WWOX: variants seen among roughly 807,000 people sequenced by gnomAD.
WWOX encodes WW domain containing oxidoreductase, also known as WW domain-containing oxidoreductase.
In WWOX, 69 loss-of-function variants were observed where a neutral mutation model predicts 46.2. The ratio of observed to expected loss-of-function variants is 1.49; its 90% CI spans 1.23 to 1.82. WWOX has a LOEUF of 1.82. WWOX is among the 40% of genes most tolerant of loss of function. WWOX has a pLI of 0.00. For synonymous variants in WWOX, 359 were observed against 202.6 expected, an observed-to-expected ratio of 1.77 and a Z score of -6.56; for missense variants, 919 against 542.6, an observed-to-expected ratio of 1.69 and a Z score of -6.89.
chr16:78,405,711 A>C (rs1368549982), intron 6 of WWOX, among the ~76,000 whole-genome samples: 1 of 152,160 alleles, frequency 6.6e-6, no homozygotes, highest in East Asian at 1.9e-4. Context: ...TCTTTTAGGC[A>C]CCATCTCTGT....
At chr16:78,625,237 G>A (rs1352794054) in intron 8 of WWOX, among the ~76,000 whole-genome samples, 2 of 152,086 alleles carry the variant, frequency 1.3e-5, no homozygotes, top group Non-Finnish European at 2.9e-5. Flanking sequence ...CACCGGGGTC[G>A]CTGCCCCAGC....
intron 4 of WWOX, among the ~76,000 whole-genome samples, chr16:78,163,626 C>G (rs913661743): frequency 1.3e-5 from 2 of 152,190 alleles, no homozygotes; most frequent in African/African-American, 2.4e-5. Context: ...TGCCTTCAAA[C>G]AGATATGGGT....
intron 8 of WWOX, among the ~76,000 whole-genome samples, chr16:79,096,403 C>G (rs2049074632): frequency 6.6e-6 from 1 of 152,114 alleles, no homozygotes; most frequent in African/African-American, 2.4e-5. Context: ...TGCCAGTGCT[C>G]TTCCCCCTGC....
At chr16:79,159,880 T>C (rs958483837) in intron 8 of WWOX, among the ~76,000 whole-genome samples, 5 of 152,176 alleles carry the variant, frequency 3.3e-5, no homozygotes, top group Non-Finnish European at 7.4e-5. Flanking sequence ...TTGGGGTGTA[T>C]GCCGCACCTC....
At chr16:78,688,919 C>T (rs1437299730) in intron 8 of WWOX, among the ~76,000 whole-genome samples, 2 of 152,098 alleles carry the variant, frequency 1.3e-5, no homozygotes, top group Non-Finnish European at 2.9e-5. Flanking sequence ...CGATGCTTTT[C>T]CTCCTTTGCT....
chr16:79,029,103 G>A (rs888466275), intron 8 of WWOX, among the ~76,000 whole-genome samples: 1 of 148,946 alleles, frequency 6.7e-6, no homozygotes, highest in Non-Finnish European at 1.5e-5. Flanking sequence ...CAGGCCAGCT[G>A]AGGTATCTCA....
chr16:78,995,095 C>A (rs771984149), intron 8 of WWOX, among the ~76,000 whole-genome samples: 2 of 151,386 alleles, frequency 1.3e-5, no homozygotes, highest in Non-Finnish European at 2.9e-5. Flanking sequence ...GTTCACTGTG[C>A]CCTTAGATAA....
intron 5 of WWOX, among the ~76,000 whole-genome samples, chr16:78,221,483 T>G (rs1597368824): frequency 6.8e-6 from 1 of 147,596 alleles, no homozygotes; most frequent in Non-Finnish European, 1.5e-5. Flanking sequence ...GTGGACTCTG[T>G]GGGTAGAGAC....
chr16:78,333,043 C>CTTCTTTTTTTTTTT (rs2080797694), intron 5 of WWOX, among the ~76,000 whole-genome samples: 3 of 57,094 alleles, frequency 5.3e-5, no homozygotes, highest in Non-Finnish European at 7.6e-5. Flanking sequence ...GAGCATTATA[C>CTTCTTTTTTTTTTT]TTTTTTTTTT....
intron 8 of WWOX, among the ~76,000 whole-genome samples, chr16:78,589,245 A>G (rs1033989791): frequency 1.3e-5 from 2 of 152,248 alleles, no homozygotes; most frequent in African/African-American, 4.8e-5. Context: ...AGGGAGAAGG[A>G]TAGAGGAAAA....
intron 8 of WWOX, among the ~76,000 whole-genome samples, chr16:78,832,022 G>A (rs2051841337): frequency 1.3e-5 from 2 of 152,150 alleles, no homozygotes; most frequent in African/African-American, 4.8e-5. Context: ...GTTATCCATT[G>A]CTGCCTAACA....
chr16:78,194,416 T>C (rs1043808244), intron 5 of WWOX, among the ~76,000 whole-genome samples: 2 of 151,250 alleles, frequency 1.3e-5, no homozygotes, highest in South Asian at 4.2e-4. Flanking sequence ...GGTGGAACCA[T>C]GTTTCTACTA....
intron 8 of WWOX, among the ~76,000 whole-genome samples, chr16:78,447,950 C>G (rs2083600265): frequency 6.6e-6 from 1 of 151,990 alleles, no homozygotes. Flanking sequence ...ATTACAGGCA[C>G]CCACCACTAC....
At chr16:79,177,650 C>A (rs967945759) in intron 8 of WWOX, among the ~76,000 whole-genome samples, 30 of 152,242 alleles carry the variant, frequency 2.0e-4, no homozygotes, top group Middle Eastern at 6.8e-3. Context: ...TAAGGTTTCT[C>A]AATGTGTGTT....
At chr16:78,689,003 C>T (rs183907439) in intron 8 of WWOX, among the ~76,000 whole-genome samples, 2 of 152,258 alleles carry the variant, frequency 1.3e-5, no homozygotes, top group African/African-American at 2.4e-5. Flanking sequence ...TGTAAGTTTC[C>T]TGAGACCTCC....
intron 8 of WWOX, among the ~76,000 whole-genome samples, chr16:78,949,643 GC>G (rs1490812791): frequency 6.6e-6 from 1 of 152,170 alleles, no homozygotes; most frequent in Non-Finnish European, 1.5e-5. Context: ...CCTCTCCAAG[GC>G]TCGTGTTAAC....
intron 8 of WWOX, among the ~76,000 whole-genome samples, chr16:79,156,225 A>C (rs1201493547): frequency 2.0e-5 from 3 of 152,136 alleles, no homozygotes; most frequent in African/African-American, 7.2e-5. Flanking sequence ...GCAGTGGTAC[A>C]ATTTCAGCTC....
At chr16:78,937,419 A>G (rs1258075070) in intron 8 of WWOX, among the ~76,000 whole-genome samples, 1 of 136,828 alleles carries the variant, frequency 7.3e-6, no homozygotes, top group Non-Finnish European at 1.6e-5. Context: ...TGCTAAACAT[A>G]CCTTTAGAGA....
intron 8 of WWOX, among the ~76,000 whole-genome samples, chr16:78,862,188 G>A (rs560940931): frequency 1.3e-5 from 2 of 151,694 alleles, no homozygotes; most frequent in Admixed American, 6.6e-5. Flanking sequence ...CGATGGGTGT[G>A]TCTGTCTGTA....
Sources: gnomAD v4.1 joint callset for allele counts (sites outside exome capture counted in the v4.1 genomes callset) on GRCh38, gnomAD v4.1.1 for gene constraint, MANE v1.5 for transcripts, NCBI Gene and HGNC (gene_info 2026-07-23, HGNC 2026-07-21) for gene names.